Variants in HPSE2 observed in about 807,000 individuals in gnomAD.
HPSE2 encodes the protein heparanase 2 (inactive).
Under a neutral mutation model 60.5 loss-of-function variants are expected in HPSE2, and 38 were observed. The ratio of observed to expected loss-of-function variants is 0.63; its 90% CI spans 0.48 to 0.82. HPSE2 has a LOEUF of 0.82. HPSE2 is among the 40% of genes least tolerant of loss of function. The pLI, the probability that HPSE2 is intolerant of heterozygous loss-of-function variation, is 0.00. For synonymous variants in HPSE2, 295 were observed against 293.2 expected, an observed-to-expected ratio of 1.01 and a Z score of -0.06; for missense variants, 713 against 740.4, an observed-to-expected ratio of 0.96 and a Z score of 0.43.
At chr10:99,005,387 G>C (rs1345567740) in intron 3 of HPSE2, among the ~76,000 whole-genome samples, 1 of 151,732 alleles carries the variant, frequency 6.6e-6, no homozygotes, top group Non-Finnish European at 1.5e-5. Flanking sequence ...CAAATAATCT[G>C]TCTTCAAGTT....
chr10:98,721,727 A>G lies in HPSE2; in HGVS notation c.886T>C (p.Tyr296His). 1 of 1,613,850 alleles carries G rather than the reference A, an allele frequency of 6.2e-7. No individual in the cohort carries two copies. The highest frequency in any genetic ancestry group is 1.1e-5 in the South Asian group (1 of 91,072). Residue 296 changes from tyrosine (Y) to histidine (H), a missense_variant, in exon 5 of 12, where the codon TAT becomes CAT. Coordinates refer to ENST00000370552, the MANE Select transcript of HPSE2 (RefSeq NM_021828.5). The part of the protein sequence containing the change: ...LKSLLQPIRI[Y>H]SRASLYGPNI... The stretch of plus-strand genomic sequence containing the variant: ...GGGCCATATAAGCTGGCTCTGGAAT[A>G]AATCCGGATGGGCTGCAACAGGCTC...
the HPSE2 span, among the ~76,000 whole-genome samples, chr10:99,294,015 C>T: frequency 0.86 from 130,071 of 152,122 alleles, 55,968 homozygotes; most frequent in African/African-American, 0.92. Flanking sequence ...ATTCAGGTTT[C>T]CTCCTCAGTC....
intron 3 of HPSE2, among the ~76,000 whole-genome samples, chr10:99,054,482 C>A (rs150060622): frequency 6.6e-6 from 1 of 152,194 alleles, no homozygotes; most frequent in African/African-American, 2.4e-5. Context: ...CTGATGAGAT[C>A]CACAACAGAG....
At chr10:98,901,544 C>T (rs767510729) in intron 3 of HPSE2, among the ~76,000 whole-genome samples, 1 of 152,128 alleles carries the variant, frequency 6.6e-6, no homozygotes, top group Non-Finnish European at 1.5e-5. Flanking sequence ...CTTGACAGCT[C>T]GGTCAGAAAA....
chr10:98,569,343 G>A (rs1944434419), intron 9 of HPSE2, among the ~76,000 whole-genome samples: 1 of 152,150 alleles, frequency 6.6e-6, no homozygotes, highest in Non-Finnish European at 1.5e-5. Context: ...TTACAGACGT[G>A]AGCCACTGCG....
the HPSE2 span, among the ~76,000 whole-genome samples, chr10:99,244,987 A>G: frequency 1.3e-5 from 2 of 152,050 alleles, no homozygotes; most frequent in East Asian, 1.9e-4. Flanking sequence ...AAATTTTCTA[A>G]TACTTCTAGT....
intron 3 of HPSE2, among the ~76,000 whole-genome samples, chr10:98,785,676 G>C (rs1467862765): frequency 6.8e-6 from 1 of 147,948 alleles, no homozygotes; most frequent in Non-Finnish European, 1.5e-5. Flanking sequence ...TCTTAGGAGA[G>C]TGTATGTGTC....
In HPSE2 at chr10:98,803,463, T is replaced by C. The variant is rs1950965831; in HGVS notation, c.611-59407A>G. ...GGTTTTTATGGTTTTAGGTCTAACG[T>C]TTAAGTCTTTAATCCATCTTGAATT... On this transcript the variant is annotated intron_variant, in intron 3 of 11. Coordinates refer to ENST00000370552, the MANE Select transcript of HPSE2 (RefSeq NM_021828.5). 5.9e-5 allele frequency among the ~76,000 whole-genome samples: 9 copies of C among 151,584 alleles called. No homozygotes were observed. The South Asian group carries it at 1.7e-3, about 28-fold the overall frequency.
At chr10:98,569,264 T>G (rs535903971) in intron 9 of HPSE2, among the ~76,000 whole-genome samples, 1 of 152,016 alleles carries the variant, frequency 6.6e-6, no homozygotes, top group Non-Finnish European at 1.5e-5. Context: ...TTTCACCATG[T>G]TGGTCAGGCT....
intron 3 of HPSE2, among the ~76,000 whole-genome samples, chr10:98,853,604 A>G (rs1175782394): frequency 1.3e-5 from 2 of 152,174 alleles, no homozygotes; most frequent in African/African-American, 4.8e-5. Context: ...TTAGAATAAA[A>G]TGGCCAAGAA....
At chr10:98,794,778 C>A (rs189285726) in intron 3 of HPSE2, among the ~76,000 whole-genome samples, 2 of 152,058 alleles carry the variant, frequency 1.3e-5, no homozygotes, top group Admixed American at 6.6e-5. Flanking sequence ...TACTAATATG[C>A]TGGGAAGGTG....
chr10:98,482,457 G>C (rs1280806636), intron 11 of HPSE2, among the ~76,000 whole-genome samples, 179 bp downstream of exon 11: 1 of 152,190 alleles, frequency 6.6e-6, no homozygotes, highest in Non-Finnish European at 1.5e-5. Flanking sequence ...CTAAGATAGG[G>C]AGGGGCTTGA....
At chr10:99,181,157 G>A (rs1236339513) in intron 2 of HPSE2, among the ~76,000 whole-genome samples, 2 of 151,550 alleles carry the variant, frequency 1.3e-5, no homozygotes, top group Non-Finnish European at 2.9e-5. Flanking sequence ...CCAGCACTTT[G>A]GGAGGCCGAG....
At chr10:98,691,612 A>C (rs1346543887) in intron 6 of HPSE2, among the ~76,000 whole-genome samples, 2 of 152,216 alleles carry the variant, frequency 1.3e-5, no homozygotes, top group African/African-American at 4.8e-5. Context: ...CAGCCTTTAT[A>C]CTACGTTATC....
chr10:99,248,997 T>C, the HPSE2 span, among the ~76,000 whole-genome samples: 1 of 152,302 alleles, frequency 6.6e-6, no homozygotes, highest in African/African-American at 2.4e-5. Flanking sequence ...AGAGGATGTA[T>C]GGAAATGCCT....
intron 9 of HPSE2, among the ~76,000 whole-genome samples, chr10:98,601,562 T>C (rs1002765942): frequency 2.0e-5 from 3 of 152,218 alleles, no homozygotes; most frequent in Non-Finnish European, 4.4e-5. Flanking sequence ...GCAAGACTTA[T>C]GTCTTCTGAT....
chr10:98,586,374 T>C (rs1366044934), intron 9 of HPSE2, among the ~76,000 whole-genome samples: 1 of 152,202 alleles, frequency 6.6e-6, no homozygotes, highest in Admixed American at 6.5e-5. Context: ...CAGCCAGGCA[T>C]TCTGTGCTTT....
intron 9 of HPSE2, among the ~76,000 whole-genome samples, chr10:98,494,275 T>C (rs1941757361): frequency 6.6e-6 from 1 of 152,228 alleles, no homozygotes; most frequent in African/African-American, 2.4e-5. Context: ...CCTACTGCTA[T>C]GTCTGGTTTC....
intron 7 of HPSE2, among the ~76,000 whole-genome samples, chr10:98,621,335 G>A (rs986368314): frequency 3.3e-5 from 5 of 152,000 alleles, no homozygotes; most frequent in African/African-American, 9.7e-5. Context: ...CTGTCGAAAG[G>A]TGGCACACTG....
Sources: allele counts gnomAD v4.1 joint callset (sites outside exome capture counted in the v4.1 genomes callset), GRCh38; gene constraint gnomAD v4.1.1; transcripts MANE v1.5; gene names NCBI Gene and HGNC (gene_info 2026-07-23, HGNC 2026-07-21).